Variants in KDM4C observed in about 807,000 individuals in gnomAD.
KDM4C encodes lysine-specific demethylase 4C.
Under a neutral mutation model 129.3 loss-of-function variants are expected in KDM4C, and 81 were observed. The observed-to-expected ratio is 0.63, with a 90% CI of 0.52 to 0.75. The LOEUF is 0.75. KDM4C is among the 30% of genes least tolerant of loss of function. The pLI is 0.00. For synonymous variants in KDM4C, 573 were observed against 456.1 expected (o/e 1.26, Z -3.26); for missense variants, 1,457 against 1,304.0 (o/e 1.12, Z -1.81).
At chr9:6,968,519 CA>C (rs1831400080) in intron 8 of KDM4C, among the ~76,000 whole-genome samples, 2 of 152,078 alleles carry the variant, frequency 1.3e-5, no homozygotes. Context: ...TGTGGTTAAA[CA>C]ATAATTAAGT....
intron 17 of KDM4C, among the ~76,000 whole-genome samples, chr9:7,087,203 C>T (rs994757814): frequency 5.3e-5 from 8 of 150,598 alleles, no homozygotes; most frequent in Admixed American, 2.6e-4. Context: ...AGAAAGAGTT[C>T]GCATATAACT....
chr9:7,148,694 G>A (rs775021799), intron 19 of KDM4C, among the ~76,000 whole-genome samples: 51 of 152,230 alleles, frequency 3.4e-4, no homozygotes, highest in Non-Finnish European at 6.5e-4. Flanking sequence ...ATTGGAGGGT[G>A]AGCAAGACAG....
chr9:6,752,379 A>C (rs1818102572), intron 1 of KDM4C, among the ~76,000 whole-genome samples: 1 of 148,000 alleles, frequency 6.8e-6, no homozygotes, highest in Non-Finnish European at 1.5e-5. Context: ...GGAACAGGTA[A>C]AACAAAAAAT....
Position 6,888,887 on chromosome 9 carries a change from A to C in KDM4C, c.783+824A>C, listed in dbSNP as rs922977575. Among the ~76,000 whole-genome samples the C allele has an allele frequency of 2.0e-3, 72 of 36,866 alleles. 19 individuals are homozygous for C. The highest frequency in any genetic ancestry group is 0.011 in the East Asian group (19 of 1,708). The allele number at this position is 36,866 out of a possible 152,430, so 24.2% of individuals were successfully genotyped here. A position where few individuals can be genotyped will look rare whatever the true frequency, so the allele number is the denominator to read the frequency against. ...ACTGCAAGCTCCGCCTCCCGGGTTC[A>C]CGCCATTCTCCTGCCTCAGCCTCCC... On this transcript the variant is annotated intron_variant, in intron 7 of 21. Transcript: ENST00000381309.
At chr9:6,898,981 C>T (rs1328093955) in intron 8 of KDM4C, among the ~76,000 whole-genome samples, 2 of 151,422 alleles carry the variant, frequency 1.3e-5, no homozygotes, top group Non-Finnish European at 2.9e-5. Context: ...TTTAACAGTT[C>T]TTGGCATTTC....
chr9:6,837,443 C>T (rs985840903), intron 4 of KDM4C, among the ~76,000 whole-genome samples: 1 of 152,186 alleles, frequency 6.6e-6, no homozygotes, highest in African/African-American at 2.4e-5. Context: ...CAGTGATTTT[C>T]GTGCAGCCAT....
intron 8 of KDM4C, among the ~76,000 whole-genome samples, chr9:6,905,688 A>C (rs931890373): frequency 6.6e-6 from 1 of 152,194 alleles, no homozygotes; most frequent in African/African-American, 2.4e-5. Context: ...TGGCATTTCT[A>C]TAGTGTAGGG....
At chr9:6,748,507 C>G (rs1208140833) in intron 1 of KDM4C, among the ~76,000 whole-genome samples, 1 of 137,826 alleles carries the variant, frequency 7.3e-6, no homozygotes, top group Admixed American at 7.5e-5. Context: ...AACTCCGTCT[C>G]AGAAAAAAAA....
At chr9:6,980,031 A>G (rs1285901626) in intron 8 of KDM4C, among the ~76,000 whole-genome samples, 1 of 152,196 alleles carries the variant, frequency 6.6e-6, no homozygotes, top group African/African-American at 2.4e-5. Flanking sequence ...CATGGAGGTG[A>G]TAATTGTATC....
intron 3 of KDM4C, among the ~76,000 whole-genome samples, chr9:6,810,350 G>A (rs956997148): frequency 6.6e-6 from 1 of 152,106 alleles, no homozygotes; most frequent in Non-Finnish European, 1.5e-5. Flanking sequence ...GATATGGTAG[G>A]TGCTTTTTCA....
chr9:6,914,763 C>T (rs992732885), intron 8 of KDM4C, among the ~76,000 whole-genome samples: 1 of 152,246 alleles, frequency 6.6e-6, no homozygotes, highest in African/African-American at 2.4e-5. Flanking sequence ...TTCCTTCTAT[C>T]TCTTCTGCCA....
chr9:7,069,036 C>G (rs777728261), intron 17 of KDM4C, among the ~76,000 whole-genome samples: 1 of 152,100 alleles, frequency 6.6e-6, no homozygotes, highest in Non-Finnish European at 1.5e-5. Context: ...TCTTCTCACT[C>G]TACATTCTCA....
At chr9:6,782,844 G>T (rs1356457358) in intron 1 of KDM4C, among the ~76,000 whole-genome samples, 1 of 152,144 alleles carries the variant, frequency 6.6e-6, no homozygotes, top group Non-Finnish European at 1.5e-5. Flanking sequence ...TGAACTAAAG[G>T]TGGGAAAATC....
chr9:7,142,071 C>G (rs1271508534), intron 19 of KDM4C, among the ~76,000 whole-genome samples: 2 of 152,164 alleles, frequency 1.3e-5, no homozygotes, highest in East Asian at 1.9e-4. Context: ...TTAAATTGAG[C>G]ATTTATCCCT....
intron 8 of KDM4C, among the ~76,000 whole-genome samples, chr9:6,938,258 C>T (rs1481926942): frequency 2.0e-5 from 3 of 151,980 alleles, no homozygotes; most frequent in South Asian, 2.1e-4. Context: ...ATGTTATGTG[C>T]AATATGTATT....
intron 4 of KDM4C, among the ~76,000 whole-genome samples, chr9:6,821,593 T>G (rs1351290144): frequency 1.3e-5 from 2 of 152,170 alleles, no homozygotes; most frequent in African/African-American, 4.8e-5. Flanking sequence ...GTAAATTTGT[T>G]TGAGTTCTTT....
At chr9:6,930,627 A>G (rs910770147) in intron 8 of KDM4C, among the ~76,000 whole-genome samples, 2 of 148,278 alleles carry the variant, frequency 1.3e-5, no homozygotes, top group African/African-American at 4.9e-5. Context: ...AATATATAAC[A>G]TATTCATATG....
intron 5 of KDM4C, among the ~76,000 whole-genome samples, chr9:6,875,532 G>C (rs1198197030): frequency 6.6e-6 from 1 of 152,178 alleles, no homozygotes; most frequent in Non-Finnish European, 1.5e-5. Flanking sequence ...AGTGGGTAAT[G>C]ATACTTATTT....
At chr9:7,173,665 T>C (rs545519877) in intron 21 of KDM4C, among the ~76,000 whole-genome samples, 127 of 152,258 alleles carry the variant, frequency 8.3e-4, no homozygotes, top group African/African-American at 2.7e-3. Flanking sequence ...TGGGGAAATG[T>C]CTACAGTGCC....
Sources: gnomAD v4.1 joint callset for allele counts (sites outside exome capture counted in the v4.1 genomes callset) on GRCh38, gnomAD v4.1.1 for gene constraint, MANE v1.5 for transcripts, NCBI Gene and HGNC (gene_info 2026-07-23, HGNC 2026-07-21) for gene names.